Variants in FYCO1 observed in about 807,000 individuals in gnomAD.
FYCO1 encodes FYVE and coiled-coil domain-containing protein 1.
Under a neutral mutation model 165.1 loss-of-function variants are expected in FYCO1, and 122 were observed. The observed-to-expected ratio is 0.74, with a 90% confidence interval of 0.64 to 0.86. The LOEUF (loss-of-function observed/expected upper bound fraction) is 0.86. Among genes scored for constraint, FYCO1 ranks in the 40% least tolerant of loss-of-function variants. The pLI is 0.00. For synonymous variants in FYCO1, 648 were observed against 742.5 expected, an observed-to-expected ratio of 0.87 and a Z score of 2.07; for missense variants, 1,702 against 1,810.3, an observed-to-expected ratio of 0.94 and a Z score of 1.09.
intron 13 of FYCO1, among the ~76,000 whole-genome samples, chr3:45,955,597 G>GA (rs1323738273): frequency 6.6e-6 from 1 of 152,196 alleles, no homozygotes; most frequent in African/African-American, 2.4e-5. Context: ...AAAAGTAGAG[G>GA]AAGGCTTACA....
chr3:45,956,420 G>A (rs947024527), intron 13 of FYCO1, among the ~76,000 whole-genome samples: 4 of 151,982 alleles, frequency 2.6e-5, no homozygotes, highest in Non-Finnish European at 4.4e-5. Context: ...ACAAGTGACC[G>A]CAGCACTCTG....
At position 45,947,614 on chromosome 3, in the gene FYCO1, G is replaced by A. The variant is rs1704713058; in HGVS notation, c.3944+7635C>T. 8.0e-6 allele frequency: 7 copies of A among 879,010 alleles called. No homozygotes were observed. The East Asian group carries it at 1.5e-4, about 19-fold the overall frequency. The allele number at this position is 879,010 out of a possible 1,614,324, so 54.5% of individuals were successfully genotyped here. A position where few individuals can be genotyped will look rare whatever the true frequency, so the allele number is the denominator to read the frequency against. ...TGTTTATAGCTTGCGCATTCTCATG[G>A]AGAAGTTATCAGACACTCTGGCTGG... On this transcript the variant is annotated intron_variant, in intron 14 of 17. Coordinates refer to ENST00000296137, the MANE Select transcript of FYCO1 (RefSeq NM_024513.4).
intron 1 of FYCO1, among the ~76,000 whole-genome samples, chr3:45,995,104 C>T (rs1254272972): frequency 2.6e-5 from 4 of 151,208 alleles, no homozygotes; most frequent in Non-Finnish European, 5.9e-5. Flanking sequence ...TGCAGTGCCG[C>T]CACACCAGAG....
intron 15 of FYCO1, 112 bp downstream of exon 15, chr3:45,936,336 C>T: frequency 2.7e-6 from 2 of 753,620 alleles, no homozygotes; most frequent in South Asian, 1.4e-5. Flanking sequence ...AACGAAGCCC[C>T]ACTGGTATTA....
intron 2 of FYCO1, among the ~76,000 whole-genome samples, chr3:45,983,424 A>G (rs1707151588): frequency 6.6e-6 from 1 of 152,220 alleles, no homozygotes; most frequent in Non-Finnish European, 1.5e-5. Flanking sequence ...AGAAAGTGGC[A>G]CCTTTCAAGA....
At chr3:45,936,697 T>C (rs1703911405) in intron 14 of FYCO1, among the ~76,000 whole-genome samples, 154 bp from the exon 15 acceptor site, 1 of 152,030 alleles carries the variant, frequency 6.6e-6, no homozygotes, top group South Asian at 2.1e-4. Flanking sequence ...CTGGCAGATT[T>C]TGTGGGTAGA....
At chr3:45,937,009 C>G (rs1160172705) in intron 14 of FYCO1, among the ~76,000 whole-genome samples, 1 of 152,102 alleles carries the variant, frequency 6.6e-6, no homozygotes, top group Non-Finnish European at 1.5e-5. Context: ...ATTACGGATC[C>G]TTAGAACATT....
chr3:45,959,339 C>G (rs1705552360), intron 12 of FYCO1, 54 bp downstream of exon 12: 1 of 1,602,264 alleles, frequency 6.2e-7, no homozygotes, highest in African/African-American at 1.3e-5. Context: ...GCTGTCTGCT[C>G]TGGTCCTGGG....
chr3:45,984,809 A>T (rs778625712), intron 2 of FYCO1, 47 bp downstream of exon 2: 1 of 1,604,396 alleles, frequency 6.2e-7, no homozygotes, highest in South Asian at 1.1e-5. Context: ...AAGCCCTGCC[A>T]CAAGTCCCTC....
At chr3:45,951,124 G>C (rs886369344) in intron 14 of FYCO1, among the ~76,000 whole-genome samples, 1 of 152,152 alleles carries the variant, frequency 6.6e-6, no homozygotes, top group Non-Finnish European at 1.5e-5. Flanking sequence ...GAGACGACTG[G>C]GCTGCGCAGT....
intron 3 of FYCO1, 24 bp downstream of exon 3, chr3:45,981,546 C>A (rs1408880274): frequency 1.4e-6 from 2 of 1,406,462 alleles, no homozygotes; most frequent in African/African-American, 2.8e-5. Context: ...GTGCAAAAAT[C>A]AACACATTAC....
chr3:45,924,926 AT>A (rs766143446), intron 16 of FYCO1, among the ~76,000 whole-genome samples: 14 of 88,166 alleles, frequency 1.6e-4, no homozygotes, highest in East Asian at 9.4e-4. Flanking sequence ...GCCAACCAAC[AT>A]TTAAAAAAAA....
intron 15 of FYCO1, among the ~76,000 whole-genome samples, chr3:45,932,105 C>T (rs563427381): frequency 4.6e-5 from 7 of 152,246 alleles, no homozygotes; most frequent in Non-Finnish European, 1.0e-4. Context: ...GACAACCACA[C>T]CTGCCTCAGG....
At chr3:45,947,429 T>A in intron 14 of FYCO1, 2 of 1,614,226 alleles carry the variant, frequency 1.2e-6, no homozygotes, top group Non-Finnish European at 1.7e-6. Flanking sequence ...GGGTCTCACA[T>A]CAATGGAAAT....
rs533652942 is a variant in FYCO1 at position 45,993,931 on chromosome 3, G to T, written c.-113+1791C>A. On this transcript the variant is annotated intron_variant, in intron 1 of 17. Coordinates refer to ENST00000296137, the MANE Select transcript of FYCO1 (RefSeq NM_024513.4). This position sits in a 1 kb window ranked among gnomAD's most constrained non-coding sequence, Gnocchi z 4.4. ...GGAAGCAGGGTGGGTGGGGGTGAGG[G>T]GGCTGCCATTTCTTGCGTACCTACT... 1.3e-5 allele frequency among the ~76,000 whole-genome samples: 2 copies of T among 152,132 alleles called. No homozygotes were observed. Among genetic ancestry groups the T allele is most frequent in the Non-Finnish European group, 2.9e-5 (2 of 68,026 alleles).
In FYCO1 at chr3:45,919,540, G is replaced by C. The variant is rs146876740; in HGVS notation, c.*2225C>G. Reference sequence around the variant, plus strand: ...GAGTGGTTCTGGGTAAGCTGCAACCGGTCCTCTGCTGTGGAGTGACATGTT... The same window carrying C: ...GAGTGGTTCTGGGTAAGCTGCAACCCGTCCTCTGCTGTGGAGTGACATGTT... On this transcript the variant is annotated 3_prime_UTR_variant, in exon 18 of 18. Transcript: ENST00000296137. 8 of 152,266 alleles carry C rather than the reference G, an allele frequency of 5.3e-5. No homozygotes were observed. Among genetic ancestry groups the C allele is most frequent in the African/African-American group, 1.9e-4 (8 of 41,542 alleles). 9.4% of individuals were successfully genotyped at this position (152,266 alleles called of 1,614,324 possible).
chr3:45,958,296 C>T (rs1705470213), intron 13 of FYCO1, 112 bp downstream of exon 13: 1 of 925,608 alleles, frequency 1.1e-6, no homozygotes, highest in African/African-American at 1.6e-5. Context: ...TCTTTAATAC[C>T]TAAGTTTAGA....
intron 13 of FYCO1, among the ~76,000 whole-genome samples, chr3:45,956,908 T>C (rs1432393822): frequency 2.0e-5 from 3 of 151,994 alleles, no homozygotes; most frequent in African/African-American, 4.8e-5. Flanking sequence ...AAAACTTATA[T>C]AGAAAAACAA....
rs367756243 is a variant in FYCO1, at chr3:45,973,150, C to T, written c.477G>A (p.Glu159=). Residue 159 remains glutamate, a synonymous_variant, in exon 6 of 18, where the codon GAG becomes GAA. Transcript: ENST00000296137. Reference sequence around the variant, plus strand: ...CCCTCGACGCCAGGTCAAACTGAACCTCAGTCAGCTCATAGAGTTGGCCCA... The same window carrying T: ...CCCTCGACGCCAGGTCAAACTGAACTTCAGTCAGCTCATAGAGTTGGCCCA... ...DIVGQLYELT[E]VQFDLASRGF... The T allele has an allele frequency of 5.0e-6, 8 of 1,614,230 alleles. No homozygotes were observed. In the African/African-American group the frequency reaches 6.7e-5, roughly 13 times the overall value.
Sources: gnomAD v4.1 joint callset for allele counts (sites outside exome capture counted in the v4.1 genomes callset) on GRCh38, gnomAD v4.1.1 for gene constraint, Gnocchi (gnomAD v3.1) non-coding constraint, MANE v1.5 for transcripts, NCBI Gene and HGNC (gene_info 2026-07-23, HGNC 2026-07-21) for gene names.